PRPF6: variants seen among roughly 807,000 people sequenced by gnomAD.
The protein encoded by PRPF6 is pre-mRNA processing factor 6, also known as pre-mRNA-processing factor 6.
Under a neutral mutation model 118.3 loss-of-function variants are expected in PRPF6, and 42 were observed. That is an observed-to-expected ratio of 0.35 (90% CI 0.28 to 0.46). The LOEUF (loss-of-function observed/expected upper bound fraction) is 0.46, where lower values mean the gene tolerates loss of function less well. PRPF6 is among the 20% of genes least tolerant of loss of function. The pLI, the probability that PRPF6 is intolerant of heterozygous loss-of-function variation, is 1.00. For missense variants in PRPF6, 662 were observed against 1,255.7 expected, an observed-to-expected ratio of 0.53 and a Z score of 7.15; for synonymous variants, 481 against 485.1, an observed-to-expected ratio of 0.99 and a Z score of 0.11.
intron 6 of PRPF6, 105 bp downstream of exon 6, chr20:63,995,587 T>TCTC: frequency 4.6e-6 from 6 of 1,296,432 alleles, no homozygotes; most frequent in Non-Finnish European, 6.5e-6. Flanking sequence ...TTCTCCTCCT[T>TCTC]CTCCTCCTCC....
chr20:63,998,532 C>CA (rs918075708), intron 6 of PRPF6, among the ~76,000 whole-genome samples: 1 of 150,550 alleles, frequency 6.6e-6, no homozygotes, highest in African/African-American at 2.4e-5. Flanking sequence ...GACCCTGTCT[C>CA]AAAAAAATAA....
In PRPF6 at chr20:64,031,924, T is replaced by A; in HGVS notation, c.2553T>A (p.Phe851Leu). ...PHVLLAVAKLFWSQRKITKAR... is the reference protein window; with the variant it reads ...PHVLLAVAKLLWSQRKITKAR... ...CGTCCTTCTGCTGGAACAGGCTGTT[T>A]TGGAGTCAGCGGAAGATCACCAAGG... The change falls in exon 20 of 21, where the codon TTT (phenylalanine) becomes TTA (leucine). Residue 851 changes from phenylalanine (F) to leucine (L), a missense_variant. Physicochemically the swap from Phe to Leu is conservative, Grantham distance 22. This residue lies in a region of PRPF6 where 244 missense variants were observed against 383.7 expected (regional missense o/e 0.64). Transcript: ENST00000266079. 6.2e-7 allele frequency: 1 copy of A among 1,614,048 alleles called. No individual in the cohort carries two copies. Among genetic ancestry groups the A allele is most frequent in the Non-Finnish European group, 8.5e-7 (1 of 1,179,992 alleles).
At chr20:64,024,762 C>T in intron 14 of PRPF6, 69 bp downstream of exon 14, 3 of 1,565,862 alleles carry the variant, frequency 1.9e-6, no homozygotes, top group Middle Eastern at 4.6e-4. Context: ...CTGACTGGGG[C>T]CTGAAAATCT....
chr20:64,010,416 C>T, intron 10 of PRPF6, 98 bp downstream of exon 10: 1 of 1,014,240 alleles, frequency 9.9e-7, no homozygotes, highest in Non-Finnish European at 1.5e-6. Flanking sequence ...GAGCATTGAG[C>T]TCACTCAGGC....
At chr20:64,007,464 C>CTT (rs199727901) in intron 9 of PRPF6, among the ~76,000 whole-genome samples, 3 of 124,614 alleles carry the variant, frequency 2.4e-5, no homozygotes, top group Non-Finnish European at 5.0e-5. Flanking sequence ...CCCTTTTCCT[C>CTT]TTTTTTTTTT....
At chr20:64,018,130 G>A (rs1334944892) in intron 12 of PRPF6, among the ~76,000 whole-genome samples, 5 of 152,112 alleles carry the variant, frequency 3.3e-5, no homozygotes, top group Admixed American at 2.0e-4. Context: ...CAGGAGTTTG[G>A]GGCCGTAGTG....
At position 64,011,273 on chromosome 20, in the gene PRPF6, C is replaced by T. The variant is rs778904437; in HGVS notation, c.1306-12C>T. 3.7e-6 allele frequency: 6 copies of T among 1,613,744 alleles called. No homozygotes were observed. The highest frequency in any genetic ancestry group is 4.2e-6 in the Non-Finnish European group (5 of 1,179,800). On this transcript the variant is annotated splice_polypyrimidine_tract_variant and intron_variant, in intron 10 of 20. Transcript: ENST00000266079. This position sits in a 1 kb window ranked among gnomAD's most constrained non-coding sequence, Gnocchi z 6.7. ...AGTGTCCTCTCCTTTTTCTCGTGTC[C>T]TCTCCGCGTAGCTCTGGCTTGCTCT...
At chr20:63,998,951 C>T (rs2059153654) in intron 6 of PRPF6, 94 bp from the exon 7 acceptor site, 8 of 805,276 alleles carry the variant, frequency 9.9e-6, no homozygotes, top group Admixed American at 2.0e-5. Context: ...TGACTGCTCT[C>T]TCAGGGTTGT....
chr20:64,026,895 G>A lies in PRPF6; in HGVS notation c.2029-87G>A. 1 of 1,335,336 alleles carries A rather than the reference G, an allele frequency of 7.5e-7. No individual in the cohort carries two copies. The highest frequency in any genetic ancestry group is 1.2e-5 in the South Asian group (1 of 84,506). 82.7% of individuals were successfully genotyped at this position (1,335,336 alleles called of 1,614,324 possible). A position where few individuals can be genotyped will look rare whatever the true frequency, so the allele number is the denominator to read the frequency against. On this transcript the variant is annotated intron_variant, in intron 15 of 20. Coordinates refer to ENST00000266079, the MANE Select transcript of PRPF6 (RefSeq NM_012469.4). This position sits in a 1 kb window ranked among gnomAD's most constrained non-coding sequence, Gnocchi z 4.4. ...AGCTTACAAAAGTACACACAGTACT[G>A]CAGGTAACAGTGTTGAGGATGAGTG...
intron 9 of PRPF6, among the ~76,000 whole-genome samples, chr20:64,003,279 G>A (rs1471053075): frequency 2.6e-5 from 4 of 152,282 alleles, no homozygotes; most frequent in Admixed American, 2.0e-4. Flanking sequence ...AAAATAAAGT[G>A]TATTTTATGG....
rs201487454 is a variant in PRPF6 at position 63,999,098 on chromosome 20, G to A, written c.825G>A (p.Thr275=). Residue 275 remains threonine (T), a synonymous_variant, in exon 7 of 21, where the codon ACG becomes ACA. Transcript: ENST00000266079. ...TCGTTGACCCCAAAGGCTACCTGAC[G>A]GATTTAAATTCCATGATCCCGACAC... ...QTVVDPKGYL[T]DLNSMIPTHG... 8 of 1,613,834 alleles carry A rather than the reference G, an allele frequency of 5.0e-6. No homozygotes were observed. Among genetic ancestry groups the A allele is most frequent in the Admixed American group, 1.7e-5 (1 of 59,982 alleles).
intron 10 of PRPF6, among the ~76,000 whole-genome samples, chr20:64,010,878 G>A (rs1327785356): frequency 2.0e-5 from 3 of 152,150 alleles, no homozygotes; most frequent in African/African-American, 7.2e-5. Context: ...AATAAAGCCC[G>A]TACACATCTT....
intron 10 of PRPF6, among the ~76,000 whole-genome samples, chr20:64,010,875 C>T (rs1318531566): frequency 6.6e-6 from 1 of 152,138 alleles, no homozygotes; most frequent in Non-Finnish European, 1.5e-5. Context: ...ATGAATAAAG[C>T]CCGTACACAT....
chr20:63,990,471 C>T (rs2059113579), intron 3 of PRPF6, among the ~76,000 whole-genome samples: 2 of 151,134 alleles, frequency 1.3e-5, no homozygotes, highest in Non-Finnish European at 2.9e-5. Flanking sequence ...CATTGCATTT[C>T]ACTTTTTTTT....
chr20:64,020,109 T>C (rs1280014733), intron 12 of PRPF6, among the ~76,000 whole-genome samples: 2 of 152,204 alleles, frequency 1.3e-5, no homozygotes, highest in African/African-American at 2.4e-5. Flanking sequence ...ACAAACTCCT[T>C]CTTGGTACAA....
chr20:64,024,314 C>T (rs1243626530), intron 13 of PRPF6, among the ~76,000 whole-genome samples: 1 of 152,210 alleles, frequency 6.6e-6, no homozygotes, highest in Non-Finnish European at 1.5e-5. Flanking sequence ...TTCGTCTCTC[C>T]AGCTCTGCTA....
At position 64,011,570 on chromosome 20, in the gene PRPF6, G is replaced by C; in HGVS notation, c.1524+67G>C. The C allele has an allele frequency of 6.6e-7, 1 of 1,512,452 alleles. No individual in the cohort carries two copies. Among genetic ancestry groups the C allele is most frequent in the Non-Finnish European group, 9.0e-7 (1 of 1,115,608 alleles). The allele number at this position is 1,512,452 out of a possible 1,614,324, so 93.7% of individuals were successfully genotyped here. On this transcript the variant is annotated intron_variant, in intron 11 of 20. Coordinates refer to ENST00000266079, the MANE Select transcript of PRPF6 (RefSeq NM_012469.4). The surrounding 1 kb of genome is among the most constrained non-coding windows in gnomAD (Gnocchi z 6.7). ...CACATGCAGCACGTGAGAGTCCCACGCAGGACTGGGGGTTGCTGGATGGTA... is the reference window on the plus strand; with the variant it reads ...CACATGCAGCACGTGAGAGTCCCACCCAGGACTGGGGGTTGCTGGATGGTA...
intron 12 of PRPF6, among the ~76,000 whole-genome samples, chr20:64,020,435 C>T (rs1378127123): frequency 6.6e-6 from 1 of 152,018 alleles, no homozygotes; most frequent in African/African-American, 2.4e-5. Flanking sequence ...ATCCTTTCAG[C>T]ATCTGCAGGG....
At chr20:64,016,889 G>A in intron 12 of PRPF6, 44 bp downstream of exon 12, 1 of 1,613,482 alleles carries the variant, frequency 6.2e-7, no homozygotes, top group Non-Finnish European at 8.5e-7. Context: ...TGGAGTCTCT[G>A]CTTGTGGGAA....
Sources: gnomAD v4.1 joint callset for allele counts (sites outside exome capture counted in the v4.1 genomes callset) on GRCh38, gnomAD v4.1.1 for gene constraint, gnomAD v4.1.1 regional missense constraint, Gnocchi (gnomAD v3.1) non-coding constraint, MANE v1.5 for transcripts, NCBI Gene and HGNC (gene_info 2026-07-23, HGNC 2026-07-21) for gene names.